The following ATF7 variants were observed in gnomAD, a reference collection of about 807,000 sequenced individuals.
ATF7 encodes the protein cyclic AMP-dependent transcription factor ATF-7.
Under a neutral mutation model 50.4 loss-of-function variants are expected in ATF7, and 10 were observed. The observed-to-expected ratio is 0.20, with a 90% confidence interval of 0.12 to 0.34. ATF7 has a LOEUF of 0.34. ATF7 is among the 10% of genes least tolerant of loss of function. ATF7 has a pLI of 1.00. For synonymous variants in ATF7, 201 were observed against 226.4 expected, an observed-to-expected ratio of 0.89 and a Z score of 1.01; for missense variants, 465 against 613.9, an observed-to-expected ratio of 0.76 and a Z score of 2.56.
At chr12:53,603,472 C>A (rs1441133064) in intron 1 of ATF7, among the ~76,000 whole-genome samples, 3 of 152,140 alleles carry the variant, frequency 2.0e-5, no homozygotes, top group Non-Finnish European at 4.4e-5. Context: ...AAATATTCAA[C>A]TGACAGCCAC....
At chr12:53,583,648 T>A (rs982089775) in intron 2 of ATF7, among the ~76,000 whole-genome samples, 2 of 152,108 alleles carry the variant, frequency 1.3e-5, no homozygotes, top group Non-Finnish European at 2.9e-5. Context: ...GGCGATGACT[T>A]TTTAAATACA....
chr12:53,511,208 A>G (rs1944120681), downstream of ATF7, among the ~76,000 whole-genome samples: 1 of 152,222 alleles, frequency 6.6e-6, no homozygotes, highest in Non-Finnish European at 1.5e-5. Flanking sequence ...CCTCTTCCTG[A>G]TTCCCACAGT....
At chr12:53,582,020 T>A (rs1026373926) in intron 2 of ATF7, among the ~76,000 whole-genome samples, 4 of 151,756 alleles carry the variant, frequency 2.6e-5, no homozygotes, top group African/African-American at 9.7e-5. Context: ...GGAAAATCAT[T>A]TGAACTGAGG....
intron 4 of ATF7, 57 bp from the exon 5 acceptor site, chr12:53,537,609 C>T: frequency 1.3e-6 from 2 of 1,579,256 alleles, no homozygotes; most frequent in South Asian, 2.3e-5. Flanking sequence ...CAGGTTGAAT[C>T]TATATTTTCC....
intron 1 of ATF7, among the ~76,000 whole-genome samples, chr12:53,607,847 T>C (rs1452391377): frequency 6.6e-6 from 1 of 152,172 alleles, no homozygotes; most frequent in Non-Finnish European, 1.5e-5. Context: ...TCTACAATAA[T>C]CACAGATTGC....
At chr12:53,607,437 A>C (rs7969819) in intron 1 of ATF7, among the ~76,000 whole-genome samples, 25,032 of 152,126 alleles carry the variant, frequency 0.16, 2,120 homozygotes, top group East Asian at 0.25. Context: ...TTCTTCTTTC[A>C]GTCTCTCTAT....
intron 2 of ATF7, among the ~76,000 whole-genome samples, chr12:53,566,727 A>G (rs1010375274): frequency 6.6e-6 from 1 of 151,978 alleles, no homozygotes; most frequent in Non-Finnish European, 1.5e-5. Flanking sequence ...CTTGTGTTAT[A>G]AATGTTGACA....
At chr12:53,537,584 C>A (rs975940583) in intron 4 of ATF7, 32 bp from the exon 5 acceptor site, 4 of 1,607,110 alleles carry the variant, frequency 2.5e-6, no homozygotes, top group Non-Finnish European at 3.4e-6. Flanking sequence ...CAGAGTTTAA[C>A]CCTATGATTC....
At chr12:53,616,944 C>CT (rs1944153637) in intron 1 of ATF7, among the ~76,000 whole-genome samples, 10 of 127,922 alleles carry the variant, frequency 7.8e-5, no homozygotes, top group African/African-American at 2.8e-4. Context: ...GACTCTGTCT[C>CT]CAAAAAAAAA....
intron 1 of ATF7, among the ~76,000 whole-genome samples, chr12:53,624,287 G>C (rs1369615994): frequency 6.6e-6 from 1 of 152,176 alleles, no homozygotes; most frequent in Non-Finnish European, 1.5e-5. Flanking sequence ...GCAACTTCTT[G>C]GCCAGGGAGA....
intron 2 of ATF7, among the ~76,000 whole-genome samples, chr12:53,598,464 G>A (rs867650608): frequency 2.6e-5 from 4 of 152,136 alleles, no homozygotes; most frequent in African/African-American, 4.8e-5. Context: ...AACCTAAGCC[G>A]GAGGTTATAA....
chr12:53,578,866 T>C (rs997625869), intron 2 of ATF7, among the ~76,000 whole-genome samples: 9 of 151,714 alleles, frequency 5.9e-5, no homozygotes, highest in East Asian at 1.9e-4. Context: ...CCGTTGGAGG[T>C]TGCTGTTGGC....
chr12:53,576,494 G>A (rs1262436009), intron 2 of ATF7, among the ~76,000 whole-genome samples: 1 of 152,118 alleles, frequency 6.6e-6, no homozygotes, highest in Non-Finnish European at 1.5e-5. Context: ...CCTTATAAAA[G>A]GATTTGGCAA....
In ATF7 at chr12:53,542,967, G is replaced by C. The variant is rs1388428479; in HGVS notation, c.264+363C>G. The C allele has an allele frequency of 6.1e-6, 7 of 1,151,408 alleles. No individual in the cohort carries two copies. In the African/African-American group the frequency reaches 1.1e-4, roughly 19 times the overall value. The allele number at this position is 1,151,408 out of a possible 1,614,324, so 71.3% of individuals were successfully genotyped here. A position where few individuals can be genotyped will look rare whatever the true frequency, so the allele number is the denominator to read the frequency against. On this transcript the variant is annotated intron_variant, in intron 4 of 11. Coordinates refer to ENST00000420353, the MANE Select transcript of ATF7 (RefSeq NM_006856.3). ...TGAGAAGTCTGATCAGCTCAGAAAA[G>C]AGTGGAATTTGGCAACAAATATGTT...
intron 2 of ATF7, among the ~76,000 whole-genome samples, chr12:53,566,750 GT>G (rs1276514887): frequency 6.6e-6 from 1 of 150,848 alleles, no homozygotes; most frequent in East Asian, 1.9e-4. Flanking sequence ...GTTTTTTTTT[GT>G]TTTTGTTTTT....
At chr12:53,614,972 C>T (rs1274344422) in intron 1 of ATF7, among the ~76,000 whole-genome samples, 1 of 151,874 alleles carries the variant, frequency 6.6e-6, no homozygotes, top group Non-Finnish European at 1.5e-5. Context: ...CTCAGCTACT[C>T]AGGAAGCTGA....
intron 2 of ATF7, among the ~76,000 whole-genome samples, chr12:53,554,602 C>A (rs1485656735): frequency 6.6e-6 from 1 of 151,722 alleles, no homozygotes; most frequent in Non-Finnish European, 1.5e-5. Context: ...GTGGCTGATG[C>A]CTGTAATCCC....
chr12:53,519,412 ATATG>A (rs1937949587), intron 11 of ATF7, among the ~76,000 whole-genome samples: 1 of 152,036 alleles, frequency 6.6e-6, no homozygotes, highest in Non-Finnish European at 1.5e-5. Context: ...GCTATAATGA[ATATG>A]TAAGGCCGGG....
At chr12:53,520,181 A>G (rs943995647) in intron 11 of ATF7, among the ~76,000 whole-genome samples, 6 of 152,150 alleles carry the variant, frequency 3.9e-5, no homozygotes, top group African/African-American at 9.6e-5. Context: ...TCTCATTTCT[A>G]TGAACTGTAA....
Sources: allele counts gnomAD v4.1 joint callset (sites outside exome capture counted in the v4.1 genomes callset), GRCh38; gene constraint gnomAD v4.1.1; transcripts MANE v1.5; gene names NCBI Gene and HGNC (gene_info 2026-07-23, HGNC 2026-07-21).